The following SLAIN2 variants were observed in gnomAD, a reference collection of about 807,000 sequenced individuals.
SLAIN2 encodes the protein SLAIN motif-containing protein 2.
A neutral mutation model predicts 56.6 loss-of-function variants in SLAIN2; 31 were observed. The ratio of observed to expected loss-of-function variants is 0.55; its 90% CI spans 0.41 to 0.74. The LOEUF is 0.74. Ranked by LOEUF, SLAIN2 falls within the 30% of genes least tolerant of loss-of-function variation. The probability of loss-of-function intolerance (pLI) is 0.00; values close to 1 mark genes in which losing one functional copy is unlikely to be tolerated. For synonymous variants in SLAIN2, 317 were observed against 284.9 expected, an observed-to-expected ratio of 1.11 and a Z score of -1.13; for missense variants, 777 against 754.2, an observed-to-expected ratio of 1.03 and a Z score of -0.35.
chr4:48,408,094 TGGGCGGCTGAGGTA>T (rs1716746497), intron 6 of SLAIN2, among the ~76,000 whole-genome samples: 1 of 152,108 alleles, frequency 6.6e-6, no homozygotes, highest in Admixed American at 6.6e-5. Flanking sequence ...GCCAGCACTT[TGGGCGGCTGAGGTA>T]GGAGGATCAT....
intron 6 of SLAIN2, among the ~76,000 whole-genome samples, chr4:48,403,749 G>A (rs1482107056): frequency 6.6e-6 from 1 of 152,188 alleles, no homozygotes; most frequent in Admixed American, 6.5e-5. Flanking sequence ...CCCTTCCTAG[G>A]GTAATGCATG....
intron 6 of SLAIN2, among the ~76,000 whole-genome samples, chr4:48,403,810 A>G (rs1483912909): frequency 2.6e-5 from 4 of 152,112 alleles, no homozygotes; most frequent in Non-Finnish European, 5.9e-5. Flanking sequence ...ATGCAAAACT[A>G]CTGGGTCTCC....
At chr4:48,366,985 G>C (rs1434691548) in intron 1 of SLAIN2, among the ~76,000 whole-genome samples, 1 of 152,074 alleles carries the variant, frequency 6.6e-6, no homozygotes, top group Non-Finnish European at 1.5e-5. Context: ...GTCTTTAGTG[G>C]GAAAAATATT....
intron 6 of SLAIN2, among the ~76,000 whole-genome samples, chr4:48,404,353 C>G (rs961085643): frequency 6.6e-6 from 1 of 152,174 alleles, no homozygotes; most frequent in Non-Finnish European, 1.5e-5. Flanking sequence ...AAATTGTCTT[C>G]TCTTTTCTAT....
At chr4:48,405,656 A>C (rs57676508) in intron 6 of SLAIN2, among the ~76,000 whole-genome samples, 7,929 of 152,046 alleles carry the variant, frequency 0.052, 320 homozygotes, top group African/African-American at 0.11. Context: ...CCAAAGGTGC[A>C]TAAAGTGGGG....
intron 6 of SLAIN2, among the ~76,000 whole-genome samples, chr4:48,392,982 A>G (rs1380187318): frequency 1.3e-5 from 2 of 151,770 alleles, no homozygotes; most frequent in Non-Finnish European, 2.9e-5. Context: ...ACAAGTGAGT[A>G]GATGAATAAA....
chr4:48,344,218 T>C (rs570171587), intron 1 of SLAIN2, among the ~76,000 whole-genome samples: 1 of 152,332 alleles, frequency 6.6e-6, no homozygotes, highest in African/African-American at 2.4e-5. Flanking sequence ...TTCTGAGATT[T>C]GTGTGAACTG....
At position 48,367,313 on chromosome 4, in the gene SLAIN2, A is replaced by C. The variant is rs180769003; in HGVS notation, c.390-2536A>C. ...TAATACATAGGGACACTGAAATAAG[A>C]GGATAGAGTGATATAGAAAGTTGGT... On this transcript the variant is annotated intron_variant, in intron 1 of 7. Coordinates refer to ENST00000264313, the MANE Select transcript of SLAIN2 (RefSeq NM_020846.2). Among the ~76,000 whole-genome samples the C allele has an allele frequency of 1.9e-3, 285 of 152,326 alleles. 1 individual carries two copies. The highest frequency in any genetic ancestry group is 6.4e-3 in the African/African-American group (267 of 41,572).
chr4:48,418,992 A>G (rs1290023847), intron 6 of SLAIN2, among the ~76,000 whole-genome samples: 1 of 152,140 alleles, frequency 6.6e-6, no homozygotes, highest in Non-Finnish European at 1.5e-5. Flanking sequence ...TTGCGTGGAT[A>G]TGCTACAAAT....
At chr4:48,395,341 T>C (rs1256961010) in intron 6 of SLAIN2, among the ~76,000 whole-genome samples, 2 of 152,080 alleles carry the variant, frequency 1.3e-5, no homozygotes, top group African/African-American at 4.8e-5. Context: ...ATCCAGAACA[T>C]GTAGGTTTTC....
chr4:48,405,776 G>A (rs969114915), intron 6 of SLAIN2, among the ~76,000 whole-genome samples: 3 of 151,398 alleles, frequency 2.0e-5, no homozygotes, highest in African/African-American at 7.3e-5. Flanking sequence ...TTTTTTATTT[G>A]TCAAAATACT....
At chr4:48,400,155 CTATT>C (rs1262224294) in intron 6 of SLAIN2, among the ~76,000 whole-genome samples, 4 of 151,954 alleles carry the variant, frequency 2.6e-5, no homozygotes, top group Admixed American at 6.6e-5. Context: ...GATTGGCAGG[CTATT>C]TATTACCTCC....
At chr4:48,377,627 G>A (rs1333276115) in intron 2 of SLAIN2, among the ~76,000 whole-genome samples, 1 of 152,120 alleles carries the variant, frequency 6.6e-6, no homozygotes. Context: ...CATAGTAGAA[G>A]TGAATTAAGT....
chr4:48,393,795 G>A (rs141578551), intron 6 of SLAIN2, among the ~76,000 whole-genome samples: 4 of 152,204 alleles, frequency 2.6e-5, no homozygotes, highest in Non-Finnish European at 5.9e-5. Context: ...TGGGGAAATT[G>A]GAACCACTTT....
intron 1 of SLAIN2, among the ~76,000 whole-genome samples, chr4:48,357,245 T>G (rs1236301116): frequency 6.6e-6 from 1 of 152,108 alleles, no homozygotes; most frequent in East Asian, 1.9e-4. Context: ...ACTGAATATG[T>G]TTTTCTTCAA....
At chr4:48,418,813 T>C (rs981281837) in intron 6 of SLAIN2, among the ~76,000 whole-genome samples, 5 of 152,214 alleles carry the variant, frequency 3.3e-5, no homozygotes, top group African/African-American at 1.2e-4. Context: ...AAATTAGATA[T>C]GACTTTCCTC....
chr4:48,376,316 G>A (rs567778924), intron 2 of SLAIN2, among the ~76,000 whole-genome samples: 3 of 151,930 alleles, frequency 2.0e-5, no homozygotes, highest in Admixed American at 6.5e-5. Flanking sequence ...TTAGCCAGGC[G>A]TGGTGGCACA....
At chr4:48,364,741 T>G (rs1252216944) in intron 1 of SLAIN2, among the ~76,000 whole-genome samples, 1 of 132,758 alleles carries the variant, frequency 7.5e-6, no homozygotes, top group Non-Finnish European at 1.7e-5. Flanking sequence ...GGCGCGTGCC[T>G]GCAATCGCAG....
intron 2 of SLAIN2, 50 bp from the exon 3 acceptor site, chr4:48,377,846 T>C: frequency 6.5e-7 from 1 of 1,544,348 alleles, no homozygotes; most frequent in Non-Finnish European, 8.8e-7. Context: ...AATGAAACGT[T>C]AACTTTTTCT....
Sources: allele counts gnomAD v4.1 joint callset (sites outside exome capture counted in the v4.1 genomes callset), GRCh38; gene constraint gnomAD v4.1.1; transcripts MANE v1.5; gene names NCBI Gene and HGNC (gene_info 2026-07-23, HGNC 2026-07-21).